ARHGAP24: variants seen among roughly 807,000 people sequenced by gnomAD.
ARHGAP24 encodes the protein rho GTPase-activating protein 24.
ARHGAP24 carries 50 observed loss-of-function variants against 76.4 expected under a neutral mutation model. That is an observed-to-expected ratio of 0.65 (90% CI 0.52 to 0.83). The LOEUF is 0.83. ARHGAP24 is among the 40% of genes least tolerant of loss of function. The pLI, the probability that ARHGAP24 is intolerant of heterozygous loss-of-function variation, is 0.00. For missense variants in ARHGAP24, 930 were observed against 914.2 expected (o/e 1.02, Z -0.22); for synonymous variants, 345 against 323.3 (o/e 1.07, Z -0.72).
rs137953030 is a variant in ARHGAP24 at position 85,694,547 on chromosome 4, A to C, written c.181-27338A>C. Among the ~76,000 whole-genome samples, 504 of 152,240 alleles carry C rather than the reference A, an allele frequency of 3.3e-3. 3 individuals are homozygous for C. The highest frequency in any genetic ancestry group is 0.011 in the African/African-American group (477 of 41,532). The stretch of plus-strand genomic sequence containing the variant: ...AGTATTAATAGTACTAGTAGCATTA[A>C]TTTTTATAATCTCTAAATGACTAGA... On this transcript the variant is annotated intron_variant, in intron 2 of 9. Coordinates refer to ENST00000395184, the MANE Select transcript of ARHGAP24 (RefSeq NM_001025616.3).
chr4:85,783,201 T>C (rs912965689), intron 3 of ARHGAP24, among the ~76,000 whole-genome samples: 14 of 152,164 alleles, frequency 9.2e-5, no homozygotes, highest in African/African-American at 3.4e-4. Context: ...CTTTTCTTTT[T>C]TGGTTTTGTT....
chr4:85,981,424 A>G (rs1739661768), intron 8 of ARHGAP24, among the ~76,000 whole-genome samples: 1 of 152,170 alleles, frequency 6.6e-6, no homozygotes, highest in African/African-American at 2.4e-5. Flanking sequence ...TAACAAATCT[A>G]TAGTATCTTT....
chr4:85,955,943 T>C (rs989864944), intron 5 of ARHGAP24, among the ~76,000 whole-genome samples: 1 of 152,200 alleles, frequency 6.6e-6, no homozygotes, highest in Non-Finnish European at 1.5e-5. Flanking sequence ...CCTCCCTCTT[T>C]ACACTTTATT....
At chr4:85,589,512 G>A (rs1727998181) in intron 2 of ARHGAP24, among the ~76,000 whole-genome samples, 1 of 152,176 alleles carries the variant, frequency 6.6e-6, no homozygotes, top group Non-Finnish European at 1.5e-5. Context: ...ATTTGAGTAA[G>A]TTCTTTTTCT....
intron 2 of ARHGAP24, among the ~76,000 whole-genome samples, chr4:85,607,932 G>T (rs1271005694): frequency 1.3e-5 from 2 of 151,700 alleles, no homozygotes; most frequent in Non-Finnish European, 2.9e-5. Context: ...AAATCTCTGG[G>T]CCTTGGTGTT....
At chr4:85,851,710 C>T (rs570785836) in intron 3 of ARHGAP24, among the ~76,000 whole-genome samples, 1 of 152,294 alleles carries the variant, frequency 6.6e-6, no homozygotes, top group East Asian at 1.9e-4. Flanking sequence ...ACTTATGAAG[C>T]TTAGTTTGGC....
intron 3 of ARHGAP24, among the ~76,000 whole-genome samples, chr4:85,813,390 T>C (rs1047049652): frequency 6.6e-6 from 1 of 152,134 alleles, no homozygotes; most frequent in Non-Finnish European, 1.5e-5. Flanking sequence ...GACAAAACTT[T>C]GTAGTAAAAT....
chr4:85,504,538 C>T lies in ARHGAP24; in HGVS notation c.-21+28979C>T, dbSNP rs191904908. On this transcript the variant is annotated intron_variant, in intron 1 of 9. Coordinates refer to ENST00000395184, the MANE Select transcript of ARHGAP24 (RefSeq NM_001025616.3). ...TCTGTTTTATCAGAGACTAGGATTG[C>T]AACCCCTGCCTTTTTTTGTTTTCCA... 8.0e-3 allele frequency among the ~76,000 whole-genome samples: 1,223 copies of T among 152,220 alleles called. 17 individuals carry two copies. Among genetic ancestry groups the T allele is most frequent in the African/African-American group, 0.028 (1,171 of 41,526 alleles).
intron 4 of ARHGAP24, among the ~76,000 whole-genome samples, chr4:85,924,416 CAG>C (rs1165205943): frequency 6.6e-6 from 1 of 151,718 alleles, no homozygotes; most frequent in African/African-American, 2.4e-5. Flanking sequence ...ATCATATAAA[CAG>C]AAAAAGTATT....
intron 2 of ARHGAP24, among the ~76,000 whole-genome samples, chr4:85,690,960 A>G (rs1723632210): frequency 6.6e-6 from 1 of 150,440 alleles, no homozygotes; most frequent in African/African-American, 2.4e-5. Flanking sequence ...AGATCTCTCT[A>G]CCTTCTTGGT....
intron 2 of ARHGAP24, among the ~76,000 whole-genome samples, chr4:85,680,064 T>A (rs1052551469): frequency 4.6e-5 from 7 of 152,156 alleles, no homozygotes; most frequent in African/African-American, 1.7e-4. Flanking sequence ...AAATGTAGCA[T>A]GGTCATGAGA....
chr4:85,590,072 T>C (rs983532089), intron 2 of ARHGAP24, among the ~76,000 whole-genome samples: 2 of 152,218 alleles, frequency 1.3e-5, no homozygotes, highest in South Asian at 4.1e-4. Context: ...GACAGTGAAT[T>C]CGTAACACAA....
intron 2 of ARHGAP24, among the ~76,000 whole-genome samples, chr4:85,642,716 T>C (rs1721571997): frequency 6.6e-6 from 1 of 152,192 alleles, no homozygotes; most frequent in Admixed American, 6.5e-5. Context: ...ATTTCTTACC[T>C]AGATTACTTC....
intron 5 of ARHGAP24, among the ~76,000 whole-genome samples, chr4:85,945,138 A>G (rs770049876): frequency 3.3e-5 from 5 of 151,804 alleles, no homozygotes; most frequent in Non-Finnish European, 7.4e-5. Context: ...GAGCCACCGC[A>G]CCCGACCTTT....
At chr4:85,857,387 A>G (rs1475381437) in intron 3 of ARHGAP24, among the ~76,000 whole-genome samples, 1 of 152,254 alleles carries the variant, frequency 6.6e-6, no homozygotes, top group Non-Finnish European at 1.5e-5. Flanking sequence ...GAGTATCCAC[A>G]TACGCTGCTT....
chr4:85,828,029 G>A (rs534166886), intron 3 of ARHGAP24: 7 of 1,229,934 alleles, frequency 5.7e-6, no homozygotes, highest in Non-Finnish European at 7.5e-6. Flanking sequence ...AGGTATTGTT[G>A]TTGATTGTGT....
rs530506902 is a variant in ARHGAP24 at position 85,838,056 on chromosome 4, G to A, written c.269-85592G>A. Among the ~76,000 whole-genome samples the A allele has an allele frequency of 3.9e-5, 6 of 152,026 alleles. No individual in the cohort carries two copies. The East Asian group carries it at 5.8e-4, about 15-fold the overall frequency. On this transcript the variant is annotated intron_variant, in intron 3 of 9. Transcript: ENST00000395184. ...ATAATGTCTGGAAAAAATAGCGAAC[G>A]TGTGTTATTACTAGGTGCCAGCCAC...
At chr4:85,984,665 G>A (rs957460022) in intron 8 of ARHGAP24, among the ~76,000 whole-genome samples, 2 of 152,066 alleles carry the variant, frequency 1.3e-5, no homozygotes, top group African/African-American at 2.4e-5. Context: ...CAATGATGTC[G>A]GGGCATATAG....
chr4:85,714,561 G>A (rs188903915), intron 2 of ARHGAP24, among the ~76,000 whole-genome samples: 1 of 152,034 alleles, frequency 6.6e-6, no homozygotes, highest in Admixed American at 6.6e-5. Context: ...ACAATGATTT[G>A]GAAATATTAC....
Sources: allele counts gnomAD v4.1 joint callset (sites outside exome capture counted in the v4.1 genomes callset), GRCh38; gene constraint gnomAD v4.1.1; transcripts MANE v1.5; gene names NCBI Gene and HGNC (gene_info 2026-07-23, HGNC 2026-07-21).